FIRRM: variants seen among roughly 807,000 people sequenced by gnomAD.
FIRRM encodes FIGNL1-interacting regulator of recombination and mitosis.
At chr1:169,800,980 C>T in the FIRRM span, 1 of 1,428,426 alleles carries the variant, frequency 7.0e-7, no homozygotes, top group Non-Finnish European at 9.8e-7. Context: ...AGGTATAATA[C>T]TATTACCTGA....
the FIRRM span, chr1:169,792,989 G>A: frequency 3.1e-6 from 5 of 1,613,882 alleles, no homozygotes; most frequent in South Asian, 5.5e-5. Context: ...ATCTTCCAAA[G>A]TGGAGTTAGC....
the FIRRM span, chr1:169,853,056 T>TAA: frequency 6.7e-7 from 1 of 1,485,016 alleles, no homozygotes; most frequent in South Asian, 1.2e-5. Flanking sequence ...GTACATTTTC[T>TAA]AACAGATATA....
At chr1:169,798,526 C>G in the FIRRM span, among the ~76,000 whole-genome samples, 1 of 151,974 alleles carries the variant, frequency 6.6e-6, no homozygotes, top group Non-Finnish European at 1.5e-5. Context: ...CTAGGTCTCC[C>G]AAAGTGCTGG....
the FIRRM span, chr1:169,793,154 T>G: frequency 6.2e-7 from 1 of 1,614,232 alleles, no homozygotes; most frequent in Non-Finnish European, 8.5e-7. Context: ...CACTTTGGCC[T>G]TTGTGAAATA....
the FIRRM span, chr1:169,794,673 A>G: frequency 0.065 from 10,635 of 162,478 alleles, 453 homozygotes; most frequent in Non-Finnish European, 0.096. Flanking sequence ...CGCGGCTAGG[A>G]ACGCGCCTCT....
chr1:169,834,442 A>G, the FIRRM span, among the ~76,000 whole-genome samples: 1 of 152,044 alleles, frequency 6.6e-6, no homozygotes, highest in Admixed American at 6.6e-5. Context: ...AGACCATTTA[A>G]CAAATGTTAG....
At chr1:169,795,776 C>T in the FIRRM span, 1 of 985,194 alleles carries the variant, frequency 1.0e-6, no homozygotes, top group South Asian at 4.7e-5. Flanking sequence ...TCTCAGACCT[C>T]TTTTTCTTCT....
chr1:169,798,866 G>T, the FIRRM span: 4 of 1,073,298 alleles, frequency 3.7e-6, no homozygotes, highest in South Asian at 2.0e-5. Context: ...GGTTTGTTCT[G>T]AGTAATGAAT....
chr1:169,849,586 G>A, the FIRRM span: 12 of 1,613,174 alleles, frequency 7.4e-6, no homozygotes, highest in African/African-American at 4.0e-5. Flanking sequence ...CCTTGGAGGC[G>A]TTTACTCAGT....
chr1:169,817,781 A>G, the FIRRM span, among the ~76,000 whole-genome samples: 4 of 152,362 alleles, frequency 2.6e-5, no homozygotes, highest in East Asian at 7.7e-4. Context: ...TCTAATTTTA[A>G]TCAATATAAC....
the FIRRM span, among the ~76,000 whole-genome samples, chr1:169,841,723 A>T: frequency 1.3e-5 from 2 of 152,224 alleles, no homozygotes; most frequent in Admixed American, 1.3e-4. Flanking sequence ...AAAATCTAGT[A>T]ACCTATAAAG....
chr1:169,804,053 AT>A, the FIRRM span: 1 of 1,402,014 alleles, frequency 7.1e-7, no homozygotes, highest in East Asian at 2.5e-5. Context: ...TTTTTCTCTC[AT>A]TTTTATTTAT....
At chr1:169,788,227 C>T in the FIRRM span, among the ~76,000 whole-genome samples, 69,533 of 151,934 alleles carry the variant, frequency 0.46, 16,640 homozygotes, top group Middle Eastern at 0.61. Context: ...GTCAGTTATA[C>T]GCAGATTTTC....
chr1:169,815,898 C>G, the FIRRM span, among the ~76,000 whole-genome samples: 1 of 152,274 alleles, frequency 6.6e-6, no homozygotes, highest in African/African-American at 2.4e-5. Flanking sequence ...TCTATAACTT[C>G]TTCGGGCTGA....
the FIRRM span, among the ~76,000 whole-genome samples, chr1:169,790,246 C>T: frequency 7.0e-4 from 106 of 151,982 alleles, no homozygotes; most frequent in Non-Finnish European, 1.3e-3. Context: ...GGCGCGATCT[C>T]GGCTCACTGC....
chr1:169,802,549 T>G, the FIRRM span: 1 of 1,008,292 alleles, frequency 9.9e-7, no homozygotes, highest in Admixed American at 2.2e-5. Flanking sequence ...TTGTGTTTTC[T>G]CTGTAAAGTT....
the FIRRM span, among the ~76,000 whole-genome samples, chr1:169,802,403 T>C: frequency 6.6e-6 from 1 of 152,088 alleles, no homozygotes; most frequent in Non-Finnish European, 1.5e-5. Context: ...AAATGGAAAA[T>C]AAATTTCTGT....
At chr1:169,801,445 CA>C in the FIRRM span, among the ~76,000 whole-genome samples, 2,298 of 61,692 alleles carry the variant, frequency 0.037, 26 homozygotes, top group African/African-American at 0.12. Flanking sequence ...TGCTCCGTCT[CA>C]AAAAAAAAAA....
chr1:169,842,471 G>A, the FIRRM span: 103 of 1,613,710 alleles, frequency 6.4e-5, no homozygotes, highest in Non-Finnish European at 8.6e-5. Flanking sequence ...TGAAGCTTTG[G>A]ATACAGGAAA....
Sources: gnomAD v4.1 joint callset for allele counts (sites outside exome capture counted in the v4.1 genomes callset) on GRCh38, gnomAD v4.1.1 for gene constraint, MANE v1.5 for transcripts, NCBI Gene and HGNC (gene_info 2026-07-23, HGNC 2026-07-21) for gene names.